Variants in SDK2 observed in about 807,000 individuals in gnomAD.
SDK2 encodes the protein sidekick cell adhesion molecule 2, also known as protein sidekick-2.
Under a neutral mutation model 253.9 loss-of-function variants are expected in SDK2, and 105 were observed. That is an observed-to-expected ratio of 0.41 (90% confidence interval 0.35 to 0.49). SDK2 has a LOEUF of 0.49. Ranked by LOEUF, SDK2 falls within the 20% of genes least tolerant of loss-of-function variation. SDK2 has a pLI of 0.06. For missense variants in SDK2, 2,608 were observed against 3,003.0 expected (o/e 0.87, Z 3.07); for synonymous variants, 1,249 against 1,234.9 (o/e 1.01, Z -0.24).
rs2063982660 is a variant in SDK2 at position 73,511,759 on chromosome 17, T to C, written c.65-4162A>G. Among the ~76,000 whole-genome samples the C allele has an allele frequency of 6.6e-6, 1 of 152,164 alleles. No individual in the cohort carries two copies. The highest frequency in any genetic ancestry group is 1.5e-5 in the Non-Finnish European group (1 of 68,020). ...GGACTCTGAGCAGTGACAGCTGATT[T>C]TCCTCCAGGACCTGCCTCGTCTGAA... On this transcript the variant is annotated intron_variant, in intron 1 of 44. Transcript: ENST00000392650. This position sits in a 1 kb window ranked among gnomAD's most constrained non-coding sequence, Gnocchi z 4.9.
chr17:73,605,169 G>T (rs2045891248), intron 1 of SDK2, among the ~76,000 whole-genome samples: 1 of 152,204 alleles, frequency 6.6e-6, no homozygotes, highest in South Asian at 2.1e-4. Context: ...GATGTGGGCA[G>T]GCAATGAGGT....
intron 1 of SDK2, 29 bp from the exon 2 acceptor site, chr17:73,507,626 G>A: frequency 2.6e-6 from 4 of 1,546,400 alleles, no homozygotes; most frequent in Non-Finnish European, 3.5e-6. Flanking sequence ...AAAGCCACCA[G>A]TGATCACTTG....
intron 6 of SDK2, among the ~76,000 whole-genome samples, chr17:73,438,373 G>T (rs2063387802): frequency 6.6e-6 from 1 of 152,228 alleles, no homozygotes; most frequent in Admixed American, 6.5e-5. Context: ...GCCCGCCCAG[G>T]GGGTTGTAGC....
rs2063722181 is a variant in SDK2, at chr17:73,481,311, A to G, written c.225-9093T>C. 6.6e-6 allele frequency among the ~76,000 whole-genome samples: 1 copy of G among 152,078 alleles called. No homozygotes were observed. The highest frequency in any genetic ancestry group is 2.4e-5 in the African/African-American group (1 of 41,414). On this transcript the variant is annotated intron_variant, in intron 2 of 44. Transcript: ENST00000392650. The surrounding 1 kb of genome is among the most constrained non-coding windows in gnomAD (Gnocchi z 4.5). Reference sequence around the variant, plus strand: ...TTCCCCCCACCTTCTAGGGAACCTGAGGGTGGAGAGGGGGTACCCGCAGTG... The same window carrying G: ...TTCCCCCCACCTTCTAGGGAACCTGGGGGTGGAGAGGGGGTACCCGCAGTG...
intron 1 of SDK2, among the ~76,000 whole-genome samples, chr17:73,577,942 G>A (rs12602309): frequency 0.018 from 2,694 of 152,258 alleles, 84 homozygotes; most frequent in African/African-American, 0.054. Flanking sequence ...AAATGCAGAA[G>A]AGGACGGCAG....
Position 73,334,772 on chromosome 17 carries a change from G to A in SDK2, c.*3815C>T, listed in dbSNP as rs891080205. ...GGATTGCCATGTGCGCATGCCCATG[G>A]GTGTCCCTGGATAGGGCCATACAGA... is the stretch of plus-strand genomic sequence containing the variant. On this transcript the variant is annotated 3_prime_UTR_variant, in exon 45 of 45. Coordinates refer to ENST00000392650, the MANE Select transcript of SDK2 (RefSeq NM_001144952.2). 1 of 152,256 alleles carries A rather than the reference G, an allele frequency of 6.6e-6. No homozygotes were observed. The highest frequency in any genetic ancestry group is 1.5e-5 in the Non-Finnish European group (1 of 68,110). 9.4% of individuals were successfully genotyped at this position (152,256 alleles called of 1,614,324 possible). A position where few individuals can be genotyped will look rare whatever the true frequency, so the allele number is the denominator to read the frequency against.
At chr17:73,454,773 G>A (rs1362256009) in intron 4 of SDK2, among the ~76,000 whole-genome samples, 5 of 152,116 alleles carry the variant, frequency 3.3e-5, no homozygotes, top group Non-Finnish European at 5.9e-5. Flanking sequence ...GCCCGATCTC[G>A]GCTCACTGCA....
At chr17:73,509,172 G>A (rs935062228) in intron 1 of SDK2, among the ~76,000 whole-genome samples, 3 of 152,188 alleles carry the variant, frequency 2.0e-5, no homozygotes, top group Non-Finnish European at 2.9e-5. Context: ...GCTTCCCAGC[G>A]GCGTGCGGTG....
rs1289521697 is a variant in SDK2 at position 73,414,753 on chromosome 17, G to T, written c.2375C>A (p.Thr792Lys). Reference protein sequence around the residue: ...VTEWTLQGVPTVPPGNVHAEA... With the variant: ...VTEWTLQGVPKVPPGNVHAEA... ...CGCGTGCACATTGCCCGGAGGGACC[G>T]TGGGAACTAGAGGAGATGAGAGAAC... Residue 792 changes from threonine to lysine, a missense_variant, in exon 18 of 45, where the codon ACG becomes AAG. By Grantham distance (78) the Thr-to-Lys change is moderately conservative. Coordinates refer to ENST00000392650, the MANE Select transcript of SDK2 (RefSeq NM_001144952.2). 1.9e-6 allele frequency: 3 copies of T among 1,611,706 alleles called. No individual in the cohort carries two copies. The highest frequency in any genetic ancestry group is 1.7e-5 in the Admixed American group (1 of 60,004).
chr17:73,392,803 G>A (rs17249188), intron 27 of SDK2, among the ~76,000 whole-genome samples: 1 of 152,090 alleles, frequency 6.6e-6, no homozygotes, highest in African/African-American at 2.4e-5. Context: ...ATGCATTGGT[G>A]AGCTTCTGAT....
At chr17:73,620,393 G>A (rs1402080823) in intron 1 of SDK2, among the ~76,000 whole-genome samples, 1 of 152,216 alleles carries the variant, frequency 6.6e-6, no homozygotes, top group Non-Finnish European at 1.5e-5. Flanking sequence ...AAGTGTTGGT[G>A]TGAAGAAATC....
rs2046240931 is a variant in SDK2 at position 73,629,357 on chromosome 17, C to T, written c.64+14668G>A. Among the ~76,000 whole-genome samples the T allele has an allele frequency of 6.6e-6, 1 of 152,178 alleles. No individual in the cohort carries two copies. The highest frequency in any genetic ancestry group is 1.5e-5 in the Non-Finnish European group (1 of 68,040). On this transcript the variant is annotated intron_variant, in intron 1 of 44. Coordinates refer to ENST00000392650, the MANE Select transcript of SDK2 (RefSeq NM_001144952.2). The surrounding 1 kb of genome is among the most constrained non-coding windows in gnomAD (Gnocchi z 5.0). ...TTCACCGTGGTTTAAGCTGCTGTTT[C>T]CCTCCTGACGCTTGCATAGCTTCTA...
At chr17:73,368,169 G>A (rs914728508) in intron 37 of SDK2, among the ~76,000 whole-genome samples, 1 of 152,136 alleles carries the variant, frequency 6.6e-6, no homozygotes, top group Non-Finnish European at 1.5e-5. Context: ...CAAACGGTGG[G>A]GAGGACAGGG....
chr17:73,382,340 T>G (rs1034069894), intron 33 of SDK2, among the ~76,000 whole-genome samples: 10 of 152,160 alleles, frequency 6.6e-5, no homozygotes. Context: ...TGCTGCCGTC[T>G]TCTACTACGA....
Position 73,616,042 on chromosome 17 carries a change from TACAC to T in SDK2, c.64+27979_64+27982del, listed in dbSNP as rs1232816295. Among the ~76,000 whole-genome samples, 3 of 151,988 alleles carry T rather than the reference TACAC, an allele frequency of 2.0e-5. No individual in the cohort carries two copies. Among genetic ancestry groups the T allele is most frequent in the African/African-American group, 7.3e-5 (3 of 41,356 alleles). ...ATATGCATATACACATGAACACACA[TACAC>T]ACACGTACACACACATACATACTTC... On this transcript the variant is annotated intron_variant, in intron 1 of 44. Transcript: ENST00000392650. This position sits in a 1 kb window ranked among gnomAD's most constrained non-coding sequence, Gnocchi z 5.2.
intron 1 of SDK2, among the ~76,000 whole-genome samples, chr17:73,579,006 C>G (rs2045496243): frequency 6.6e-6 from 1 of 152,150 alleles, no homozygotes; most frequent in South Asian, 2.1e-4. Flanking sequence ...AGGGGCACCC[C>G]TTGTCGGCCG....
intron 18 of SDK2, among the ~76,000 whole-genome samples, chr17:73,409,356 C>T (rs2063106641): frequency 6.6e-6 from 1 of 152,122 alleles, no homozygotes; most frequent in African/African-American, 2.4e-5. Context: ...TGGCATATGC[C>T]TGTAGTTCCA....
At chr17:73,341,730 C>T (rs972859955) in intron 44 of SDK2, among the ~76,000 whole-genome samples, 3 of 152,106 alleles carry the variant, frequency 2.0e-5, no homozygotes, top group Non-Finnish European at 4.4e-5. Context: ...CTCAGGAACT[C>T]GGAGTCCTTC....
At chr17:73,422,457 A>G in intron 14 of SDK2, 23 bp from the exon 15 acceptor site, 5 of 1,609,840 alleles carry the variant, frequency 3.1e-6, no homozygotes, top group Non-Finnish European at 3.4e-6. Context: ...TGAGTGGGGC[A>G]GAAGTGGGTA....
Sources: gnomAD v4.1 joint callset for allele counts (sites outside exome capture counted in the v4.1 genomes callset) on GRCh38, gnomAD v4.1.1 for gene constraint, Gnocchi (gnomAD v3.1) non-coding constraint, MANE v1.5 for transcripts, NCBI Gene and HGNC (gene_info 2026-07-23, HGNC 2026-07-21) for gene names.